The following GRIP1 variants were observed in gnomAD, a reference collection of about 807,000 sequenced individuals.
GRIP1 encodes glutamate receptor interacting protein 1.
A neutral mutation model predicts 129.9 loss-of-function variants in GRIP1; 45 were observed. The observed-to-expected ratio is 0.35, with a 90% CI of 0.27 to 0.44. The LOEUF (loss-of-function observed/expected upper bound fraction) is 0.44. Ranked by LOEUF, GRIP1 falls within the 20% of genes least tolerant of loss-of-function variation. GRIP1 has a pLI of 1.00. For missense variants in GRIP1, 1,196 were observed against 1,396.8 expected, an observed-to-expected ratio of 0.86 and a Z score of 2.29; for synonymous variants, 530 against 520.8, an observed-to-expected ratio of 1.02 and a Z score of -0.24.
intron 14 of GRIP1, among the ~76,000 whole-genome samples, chr12:66,430,280 A>G (rs1178239387): frequency 6.6e-6 from 1 of 152,198 alleles, no homozygotes; most frequent in African/African-American, 2.4e-5. Context: ...GAGGAGACAC[A>G]AAAGTCAGCG....
intron 7 of GRIP1, among the ~76,000 whole-genome samples, chr12:66,471,864 C>T (rs558912292): frequency 2.6e-4 from 40 of 152,216 alleles, no homozygotes; most frequent in South Asian, 1.0e-3. Context: ...TAGAATGGGA[C>T]GAGATAATGT....
intron 1 of GRIP1, among the ~76,000 whole-genome samples, chr12:66,597,709 G>A (rs541976887): frequency 6.6e-6 from 1 of 152,220 alleles, no homozygotes; most frequent in South Asian, 2.1e-4. Context: ...AAAACAGCAG[G>A]TGACAAGATC....
intron 1 of GRIP1, among the ~76,000 whole-genome samples, chr12:67,034,046 C>T (rs905758372): frequency 4.6e-5 from 7 of 152,128 alleles, no homozygotes; most frequent in African/African-American, 1.7e-4. Context: ...TGTAAGACCC[C>T]TCTCAGTAAC....
At chr12:66,969,583 A>T (rs1030159385) in intron 1 of GRIP1, among the ~76,000 whole-genome samples, 3 of 151,660 alleles carry the variant, frequency 2.0e-5, no homozygotes, top group African/African-American at 7.3e-5. Flanking sequence ...CGCCTGGCTA[A>T]TTTTTTTTAT....
intron 1 of GRIP1, among the ~76,000 whole-genome samples, chr12:66,853,619 T>C (rs193135622): frequency 5.3e-4 from 81 of 152,162 alleles, no homozygotes; most frequent in South Asian, 1.7e-3. Context: ...ACCACGTTTA[T>C]AAAGATATAA....
At chr12:66,877,168 C>T (rs1225090697) in intron 1 of GRIP1, among the ~76,000 whole-genome samples, 1 of 152,028 alleles carries the variant, frequency 6.6e-6, no homozygotes, top group Non-Finnish European at 1.5e-5. Context: ...CTGTAACCGA[C>T]AGCATTTGAG....
At chr12:66,590,715 A>C (rs985010365) in intron 2 of GRIP1, among the ~76,000 whole-genome samples, 1 of 152,220 alleles carries the variant, frequency 6.6e-6, no homozygotes, top group African/African-American at 2.4e-5. Flanking sequence ...AAACAGAAAC[A>C]AATGAGGCTG....
intron 17 of GRIP1, among the ~76,000 whole-genome samples, chr12:66,393,539 A>C (rs1489321863): frequency 6.6e-6 from 1 of 152,130 alleles, no homozygotes; most frequent in African/African-American, 2.4e-5. Flanking sequence ...CTATTTTGCT[A>C]GCCACTGTTT....
chr12:66,411,510 C>T (rs2057401730), intron 15 of GRIP1, among the ~76,000 whole-genome samples: 1 of 152,172 alleles, frequency 6.6e-6, no homozygotes, highest in African/African-American at 2.4e-5. Context: ...TAGATAAGTT[C>T]ACAAAGATGA....
At chr12:66,451,421 T>TTTTTTTTTC (rs1565752142) in intron 11 of GRIP1, among the ~76,000 whole-genome samples, 12 of 115,554 alleles carry the variant, frequency 1.0e-4, no homozygotes, top group African/African-American at 4.3e-4. Context: ...TTTTTTTTTT[T>TTTTTTTTTC]CAGATAGGCT....
At chr12:66,841,423 G>A (rs1481283033) in intron 1 of GRIP1, among the ~76,000 whole-genome samples, 3 of 152,186 alleles carry the variant, frequency 2.0e-5, no homozygotes, top group Non-Finnish European at 2.9e-5. Context: ...AAAAGAGAGA[G>A]AGAGATTAAG....
chr12:66,586,789 T>C (rs11176290), intron 2 of GRIP1, among the ~76,000 whole-genome samples: 44,810 of 152,046 alleles, frequency 0.29, 7,027 homozygotes, highest in African/African-American at 0.39. Flanking sequence ...CTTCCACCTC[T>C]ACCTCCTAGT....
At chr12:66,923,878 CTTG>C (rs2041252627) in intron 1 of GRIP1, among the ~76,000 whole-genome samples, 1 of 151,666 alleles carries the variant, frequency 6.6e-6, no homozygotes, top group Non-Finnish European at 1.5e-5. Flanking sequence ...GAGTTTCGCT[CTTG>C]TTGTCCACGC....
intron 13 of GRIP1, among the ~76,000 whole-genome samples, chr12:66,443,685 AT>A (rs1242535345): frequency 1.3e-5 from 2 of 151,956 alleles, no homozygotes; most frequent in African/African-American, 2.4e-5. Context: ...CGAACTCCTG[AT>A]CTCAGGTGAT....
chr12:66,516,274 G>A (rs1565816829), intron 6 of GRIP1, among the ~76,000 whole-genome samples: 2 of 151,996 alleles, frequency 1.3e-5, no homozygotes, highest in African/African-American at 4.8e-5. Context: ...CAATTGATTC[G>A]ATCTCACATT....
At chr12:67,066,434 T>C (rs1289260179) in intron 1 of GRIP1, among the ~76,000 whole-genome samples, 1 of 152,154 alleles carries the variant, frequency 6.6e-6, no homozygotes, top group Non-Finnish European at 1.5e-5. Context: ...AAAATCTACA[T>C]GAAAAAAATG....
intron 1 of GRIP1, among the ~76,000 whole-genome samples, chr12:67,067,064 C>A (rs1385584831): frequency 6.6e-6 from 1 of 151,718 alleles, no homozygotes; most frequent in Non-Finnish European, 1.5e-5. Flanking sequence ...AGAAAAGCAT[C>A]TCTTAATTAA....
At chr12:66,858,759 A>G (rs895279464) in intron 1 of GRIP1, among the ~76,000 whole-genome samples, 6 of 152,014 alleles carry the variant, frequency 3.9e-5, no homozygotes, top group African/African-American at 1.4e-4. Context: ...AGCAAAATTA[A>G]GAAATATTAA....
chr12:67,006,605 C>T (rs2042630616), intron 1 of GRIP1, among the ~76,000 whole-genome samples: 1 of 152,074 alleles, frequency 6.6e-6, no homozygotes, highest in African/African-American at 2.4e-5. Context: ...AAAAAATAAA[C>T]ATTTTAAAAG....
Sources: allele counts gnomAD v4.1 joint callset (sites outside exome capture counted in the v4.1 genomes callset), GRCh38; gene constraint gnomAD v4.1.1; transcripts MANE v1.5; gene names NCBI Gene and HGNC (gene_info 2026-07-23, HGNC 2026-07-21).